Variants in NTRK3 observed in about 807,000 individuals in gnomAD.
The protein encoded by NTRK3 is neurotrophic receptor tyrosine kinase 3.
In NTRK3, 24 loss-of-function variants were observed where a neutral mutation model predicts 91.7. The observed-to-expected ratio is 0.26, with a 90% CI of 0.19 to 0.37. NTRK3 has a LOEUF of 0.37. Among genes scored for constraint, NTRK3 ranks in the 10% least tolerant of loss-of-function variants. NTRK3 has a pLI of 1.00. For synonymous variants in NTRK3, 483 were observed against 404.0 expected, an observed-to-expected ratio of 1.20 and a Z score of -2.34; for missense variants, 880 against 1,068.9, an observed-to-expected ratio of 0.82 and a Z score of 2.46.
At chr15:88,113,521 G>A (rs1318078018) in intron 13 of NTRK3, among the ~76,000 whole-genome samples, 2 of 152,040 alleles carry the variant, frequency 1.3e-5, no homozygotes, top group Non-Finnish European at 2.9e-5. Flanking sequence ...TCGCCATGTT[G>A]GCCAGGCTGG....
At chr15:87,863,099 T>C (rs1291795060) in exon 19 of NTRK3, 1 of 231,090 alleles carries the variant, frequency 4.3e-6, no homozygotes, top group Non-Finnish European at 8.6e-6. Flanking sequence ...CTCTAAAGCA[T>C]GCCCTTCAAA....
exon 10 of NTRK3, chr15:88,135,208 T>C (rs2041758817): frequency 1.9e-6 from 3 of 1,614,244 alleles, no homozygotes; most frequent in Non-Finnish European, 2.5e-6. Context: ...GGTGGGCTTG[T>C]TGAAGAGCAG....
At chr15:88,047,699 A>G (rs1168083197) in intron 13 of NTRK3, among the ~76,000 whole-genome samples, 2 of 152,180 alleles carry the variant, frequency 1.3e-5, no homozygotes, top group East Asian at 3.8e-4. Flanking sequence ...CATTCAGTTC[A>G]GAGATGTCTG....
At chr15:87,962,502 T>G (rs2072393335) in intron 14 of NTRK3, among the ~76,000 whole-genome samples, 1 of 152,196 alleles carries the variant, frequency 6.6e-6, no homozygotes, top group African/African-American at 2.4e-5. Context: ...GGCTATCACT[T>G]GGCCTCAAAA....
intron 5 of NTRK3, among the ~76,000 whole-genome samples, chr15:88,157,167 C>G (rs2043984049): frequency 6.6e-6 from 1 of 152,100 alleles, no homozygotes; most frequent in African/African-American, 2.4e-5. Context: ...CGCAGCCAAG[C>G]CAGACTCTCC....
intron 13 of NTRK3, among the ~76,000 whole-genome samples, chr15:88,053,020 G>A (rs35203740): frequency 0.014 from 2,095 of 152,266 alleles, 23 homozygotes; most frequent in Non-Finnish European, 0.021. Flanking sequence ...CCTCAACAGT[G>A]TCCATTTATC....
At chr15:87,960,190 C>A (rs2072112200) in intron 14 of NTRK3, among the ~76,000 whole-genome samples, 1 of 152,182 alleles carries the variant, frequency 6.6e-6, no homozygotes. Flanking sequence ...GTCAAAGGGA[C>A]CAGAGCACAA....
intron 14 of NTRK3, among the ~76,000 whole-genome samples, chr15:87,976,520 A>G (rs752852632): frequency 6.6e-6 from 1 of 152,058 alleles, no homozygotes; most frequent in Non-Finnish European, 1.5e-5. Flanking sequence ...CCCGGCCCGC[A>G]TTCTCCACTC....
chr15:88,182,689 C>G (rs2046593875), intron 5 of NTRK3, among the ~76,000 whole-genome samples: 1 of 152,194 alleles, frequency 6.6e-6, no homozygotes, highest in Non-Finnish European at 1.5e-5. Context: ...CCCCTAATCA[C>G]TCACCCCAGG....
chr15:88,007,928 C>T (rs2076609092), intron 14 of NTRK3, among the ~76,000 whole-genome samples: 1 of 152,120 alleles, frequency 6.6e-6, no homozygotes, highest in South Asian at 2.1e-4. Context: ...GAAAATGCTC[C>T]TTTATGACTG....
At chr15:88,215,404 G>A (rs145243845) in intron 3 of NTRK3, among the ~76,000 whole-genome samples, 270 of 152,342 alleles carry the variant, frequency 1.8e-3, no homozygotes, top group African/African-American at 6.2e-3. Flanking sequence ...TTCACTCTGC[G>A]TGTAGGCATT....
intron 14 of NTRK3, among the ~76,000 whole-genome samples, chr15:87,943,334 G>T (rs1237405088): frequency 6.6e-6 from 1 of 152,110 alleles, no homozygotes; most frequent in Non-Finnish European, 1.5e-5. Flanking sequence ...CCAGGAGAAG[G>T]TGAGACGTCC....
intron 3 of NTRK3, among the ~76,000 whole-genome samples, chr15:88,199,352 A>G (rs1567631744): frequency 6.6e-6 from 1 of 152,130 alleles, no homozygotes. Flanking sequence ...CTCCTCCACA[A>G]GACTCCATGA....
At chr15:88,042,667 T>C (rs910845087) in intron 13 of NTRK3, among the ~76,000 whole-genome samples, 9 of 152,238 alleles carry the variant, frequency 5.9e-5, no homozygotes, top group Non-Finnish European at 1.2e-4. Flanking sequence ...AAAATGATGT[T>C]GCTCATCAAC....
intron 13 of NTRK3, among the ~76,000 whole-genome samples, chr15:88,124,946 T>C (rs1014107899): frequency 6.6e-6 from 1 of 152,198 alleles, no homozygotes; most frequent in African/African-American, 2.4e-5. Context: ...AAGGCAGAAA[T>C]CTTCTGGAAA....
At chr15:88,097,684 T>C (rs558131660) in intron 13 of NTRK3, among the ~76,000 whole-genome samples, 21 of 152,344 alleles carry the variant, frequency 1.4e-4, no homozygotes, top group African/African-American at 4.6e-4. Flanking sequence ...AAAGACAGAT[T>C]TACTTGGATT....
chr15:87,942,414 G>A (rs561448171), intron 14 of NTRK3, among the ~76,000 whole-genome samples: 1 of 152,290 alleles, frequency 6.6e-6, no homozygotes, highest in Admixed American at 6.5e-5. Flanking sequence ...TGTTGACCTT[G>A]GAGGGCAAGG....
At chr15:87,890,908 T>C (rs1012656628) in intron 17 of NTRK3, among the ~76,000 whole-genome samples, 6 of 152,170 alleles carry the variant, frequency 3.9e-5, no homozygotes, top group African/African-American at 1.2e-4. Flanking sequence ...TTATTATTTC[T>C]AGGTCTTTGT....
chr15:88,120,129 G>A (rs1013655208), intron 13 of NTRK3, among the ~76,000 whole-genome samples: 1 of 152,108 alleles, frequency 6.6e-6, no homozygotes, highest in Non-Finnish European at 1.5e-5. Context: ...AGGCAGAAAT[G>A]ACTCCTTCCC....
Sources: allele counts gnomAD v4.1 joint callset (sites outside exome capture counted in the v4.1 genomes callset), GRCh38; gene constraint gnomAD v4.1.1; transcripts MANE v1.5; gene names NCBI Gene and HGNC (gene_info 2026-07-23, HGNC 2026-07-21).